Variants in ZNF233 observed in about 807,000 individuals in gnomAD.
The protein encoded by ZNF233 is zinc finger protein 233.
A neutral mutation model predicts 11.6 loss-of-function variants in ZNF233; 7 were observed. That is an observed-to-expected ratio of 0.60 (90% CI 0.34 to 1.13). ZNF233 has a LOEUF of 1.13. Among genes scored for constraint, ZNF233 ranks in the 50% most tolerant of loss-of-function variants. ZNF233 has a pLI of 0.03. For missense variants in ZNF233, 711 were observed against 785.5 expected (o/e 0.91, Z 1.13); for synonymous variants, 226 against 268.5 (o/e 0.84, Z 1.55).
chr19:44,274,464 A>T lies in ZNF233; in HGVS notation c.1804A>T (p.Ile602Phe). 6.2e-7 allele frequency: 1 copy of T among 1,614,170 alleles called. No individual in the cohort carries two copies. The highest frequency in any genetic ancestry group is 1.1e-5 in the South Asian group (1 of 91,088). The change falls in exon 5 of 5, where the codon ATC becomes TTC. Residue 602 changes from isoleucine to phenylalanine, a missense_variant. Transcript: ENST00000683810. ...YKCEECRKGF[I>F]WNSYLHVHQR... ...ATGTGAAGAATGTAGGAAAGGCTTC[A>T]TCTGGAACTCATATCTTCATGTTCA...
rs768510429 is a variant in ZNF233, at chr19:44,266,147, C to T, written c.16-51C>T. On this transcript the variant is annotated intron_variant, in intron 2 of 4. Transcript: ENST00000683810. ...TCTACCTGCTCAGTGCTGCCTCTCT[C>T]CCAGCAGTTATTGGCCATAAGATTG... The T allele has an allele frequency of 2.6e-6, 4 of 1,563,110 alleles. No individual in the cohort carries two copies. The South Asian group carries it at 3.5e-5, about 14-fold the overall frequency.
chr19:44,265,158 C>T (rs1050082478), intron 2 of ZNF233, among the ~76,000 whole-genome samples: 1 of 152,032 alleles, frequency 6.6e-6, no homozygotes, highest in Non-Finnish European at 1.5e-5. Flanking sequence ...CACCCTTTCC[C>T]CCTGAGGCCC....
At chr19:44,260,715 C>T (rs1286746244) in intron 1 of ZNF233, among the ~76,000 whole-genome samples, 1 of 152,266 alleles carries the variant, frequency 6.6e-6, no homozygotes, top group East Asian at 1.9e-4. Context: ...GTGTTGACCC[C>T]CTGGCTCTTG....
Position 44,266,309 on chromosome 19 carries a change from A to T in ZNF233, c.127A>T (p.Asn43Tyr). Residue 43 changes from asparagine to tyrosine, a missense_variant, in exon 3 of 5, where the codon AAC (asparagine) becomes TAC (tyrosine). Asn to Tyr is a moderately radical substitution (Grantham distance 143, BLOSUM62 -2). Coordinates refer to ENST00000683810, the MANE Select transcript of ZNF233 (RefSeq NM_001207005.2). ...YQDVMLENFRNLLSVGYQPFK... is the reference protein window; with the variant it reads ...YQDVMLENFRYLLSVGYQPFK... ...AGATGTGATGCTGGAGAACTTCAGGAACCTGCTGTCAGTGGGTGAGCACAG... is the reference window on the plus strand; with the variant it reads ...AGATGTGATGCTGGAGAACTTCAGGTACCTGCTGTCAGTGGGTGAGCACAG... The T allele has an allele frequency of 6.2e-7, 1 of 1,607,136 alleles. No individual in the cohort carries two copies.
At chr19:44,260,718 G>A (rs1032753790) in intron 1 of ZNF233, among the ~76,000 whole-genome samples, 8 of 152,076 alleles carry the variant, frequency 5.3e-5, no homozygotes, top group Non-Finnish European at 1.2e-4. Context: ...TTGACCCCCT[G>A]GCTCTTGGTA....
chr19:44,261,943 C>T (rs188749643), intron 1 of ZNF233, among the ~76,000 whole-genome samples: 3 of 152,222 alleles, frequency 2.0e-5, no homozygotes, highest in Non-Finnish European at 4.4e-5. Context: ...TGAGCCACTG[C>T]GCCTGGCCTA....
chr19:44,267,592 G>A (rs532732091), intron 4 of ZNF233: 69 of 389,478 alleles, frequency 1.8e-4, no homozygotes, highest in Non-Finnish European at 2.7e-4. Context: ...ATATTACCCA[G>A]GTTGGTCTCA....
chr19:44,265,077 G>T (rs1433347076), intron 2 of ZNF233, among the ~76,000 whole-genome samples: 1 of 151,828 alleles, frequency 6.6e-6, no homozygotes, highest in Non-Finnish European at 1.5e-5. Context: ...CCCCAAAAAG[G>T]TCCCTCCTGT....
chr19:44,271,658 T>C (rs1226642836), intron 4 of ZNF233, among the ~76,000 whole-genome samples: 2 of 151,942 alleles, frequency 1.3e-5, no homozygotes, highest in African/African-American at 2.4e-5. Context: ...TACAGGCGCC[T>C]GCCCCCATGC....
Position 44,274,035 on chromosome 19 carries a change from A to G in ZNF233, c.1375A>G (p.Lys459Glu). The G allele has an allele frequency of 6.3e-7, 1 of 1,597,920 alleles. No individual in the cohort carries two copies. Reference sequence around the variant, plus strand: ...ACCATATAAATGTGAGGTATGTGATAAGGGCTTCAGTAAGGCCTCAAATCT... The same window carrying G: ...ACCATATAAATGTGAGGTATGTGATGAGGGCTTCAGTAAGGCCTCAAATCT... ...EKPYKCEVCD[K>E]GFSKASNLQA... The change falls in exon 5 of 5, where the codon AAG (lysine) becomes GAG (glutamate). Residue 459 changes from lysine to glutamate, a missense_variant. Physicochemically the swap from Lys to Glu is moderately conservative, Grantham distance 56. Coordinates refer to ENST00000683810, the MANE Select transcript of ZNF233 (RefSeq NM_001207005.2).
At position 44,272,931 on chromosome 19, in the gene ZNF233, C is replaced by G. The variant is rs1490373310; in HGVS notation, c.271C>G (p.Gln91Glu). The change falls in exon 5 of 5, where the codon CAA becomes GAA. Residue 91 changes from glutamine (Q) to glutamate (E), a missense_variant. Coordinates refer to ENST00000683810, the MANE Select transcript of ZNF233 (RefSeq NM_001207005.2). Reference sequence around the variant, plus strand: ...GAATCAAAATGAGATAGATACCCTTCAAGAAGTAAGATTAAGATTCCTTTC... The same window carrying G: ...GAATCAAAATGAGATAGATACCCTTGAAGAAGTAAGATTAAGATTCCTTTC... ...HKNQNEIDTLQEVRLRFLSYE... is the reference protein window; with the variant it reads ...HKNQNEIDTLEEVRLRFLSYE... 3.7e-6 allele frequency: 6 copies of G among 1,600,732 alleles called. No homozygotes were observed. In the South Asian group the frequency reaches 5.6e-5, roughly 15 times the overall value.
chr19:44,261,963 CT>C (rs1379925903), intron 1 of ZNF233, among the ~76,000 whole-genome samples: 4 of 152,038 alleles, frequency 2.6e-5, no homozygotes, highest in African/African-American at 9.7e-5. Context: ...AATGATTTCA[CT>C]TTTAAGGATG....
intron 1 of ZNF233, among the ~76,000 whole-genome samples, chr19:44,261,180 C>G (rs537942738): frequency 6.6e-6 from 1 of 152,282 alleles, no homozygotes. Flanking sequence ...GTGACTCACG[C>G]CTGTAATCCC....
At position 44,274,651 on chromosome 19, in the gene ZNF233, C is replaced by G. The variant is rs1243310784; in HGVS notation, c.1991C>G (p.Ser664Ter). Residue 664 changes from serine (S) to a stop codon, truncating the protein, a stop_gained, in exon 5 of 5, where the codon TCA (serine) becomes TGA (stop). Transcript: ENST00000683810. LOFTEE classifies it low-confidence loss of function (END_TRUNC). ...GKGFSKSSLSSDSSESP is the reference protein window; with the variant it reads ...GKGFSKSSLS ...GGCTTTAGTAAGAGTTCGTTGTCTT[C>G]AGATTCATCAGAGAGTCCATGATGG... The G allele has an allele frequency of 2.5e-6, 4 of 1,570,512 alleles. No individual in the cohort carries two copies. Among genetic ancestry groups the G allele is most frequent in the Non-Finnish European group, 3.5e-6 (4 of 1,150,188 alleles).
chr19:44,273,538 A>C lies in ZNF233; in HGVS notation c.878A>C (p.Lys293Thr), dbSNP rs1975302517. 1 of 1,614,116 alleles carries C rather than the reference A, an allele frequency of 6.2e-7. No homozygotes were observed. Among genetic ancestry groups the C allele is most frequent in the Admixed American group, 1.7e-5 (1 of 60,008 alleles). The change falls in exon 5 of 5, where the codon AAG becomes ACG. Residue 293 changes from lysine (K) to threonine (T), a missense_variant. By Grantham distance (78) the Lys-to-Thr change is moderately conservative (BLOSUM62 -1). Transcript: ENST00000683810. The stretch of plus-strand genomic sequence containing the variant: ...CCTCATGTAAATGTTGAGTACGGGA[A>C]GGGCATAGGTTACAGCTCAGGGCTT... ...DKPHVNVEYG[K>T]GIGYSSGLPR...
chr19:44,262,021 GA>G (rs1371895662), intron 1 of ZNF233, among the ~76,000 whole-genome samples: 4 of 152,148 alleles, frequency 2.6e-5, no homozygotes, highest in Non-Finnish European at 5.9e-5. Context: ...AAACGCAGAA[GA>G]AATTGACATA....
At chr19:44,271,676 A>G (rs1975240339) in intron 4 of ZNF233, among the ~76,000 whole-genome samples, 1 of 151,622 alleles carries the variant, frequency 6.6e-6, no homozygotes. Context: ...TGCCTGGCTA[A>G]TTTTTCTGTA....
At position 44,273,651 on chromosome 19, in the gene ZNF233, C is replaced by G. The variant is rs753294414; in HGVS notation, c.991C>G (p.Pro331Ala). ...CTTCAGTCAGGGCTCACATCTGCAA[C>G]CTCATCAGAGAGTCAGCACAGGAGA... ...EGFSQGSHLQ[P>A]HQRVSTGENL... The change falls in exon 5 of 5, where the codon CCT (proline) becomes GCT (alanine). Residue 331 changes from proline (P) to alanine (A), a missense_variant. By Grantham distance (27) the Pro-to-Ala change is conservative (BLOSUM62 -1). Coordinates refer to ENST00000683810, the MANE Select transcript of ZNF233 (RefSeq NM_001207005.2). 1 of 1,614,004 alleles carries G rather than the reference C, an allele frequency of 6.2e-7. No individual in the cohort carries two copies. The highest frequency in any genetic ancestry group is 8.5e-7 in the Non-Finnish European group (1 of 1,179,962).
chr19:44,266,195 T>C lies in ZNF233; in HGVS notation c.16-3T>C, dbSNP rs767751366. 6 of 1,607,146 alleles carry C rather than the reference T, an allele frequency of 3.7e-6. No homozygotes were observed. Among genetic ancestry groups the C allele is most frequent in the East Asian group, 2.3e-5 (1 of 44,398 alleles). ...TTGAGATTACATCTGCTTGATGTTG[T>C]AGGAGATGGTGACATTCAAGGATGT... On this transcript the variant is annotated splice_region_variant and splice_polypyrimidine_tract_variant and intron_variant, in intron 2 of 4. Transcript: ENST00000683810.
Sources: allele counts gnomAD v4.1 joint callset (sites outside exome capture counted in the v4.1 genomes callset), GRCh38; gene constraint gnomAD v4.1.1; transcripts MANE v1.5; gene names NCBI Gene and HGNC (gene_info 2026-07-23, HGNC 2026-07-21).